EBF2: variants seen among roughly 807,000 people sequenced by gnomAD.
EBF2 encodes transcription factor COE2.
Under a neutral mutation model 72.8 loss-of-function variants are expected in EBF2, and 21 were observed. The observed-to-expected ratio is 0.29, with a 90% CI of 0.20 to 0.42. The LOEUF is 0.42. EBF2 is among the 10% of genes least tolerant of loss of function. The pLI, the probability that EBF2 is intolerant of heterozygous loss-of-function variation, is 1.00. For missense variants in EBF2, 637 were observed against 731.2 expected, an observed-to-expected ratio of 0.87 and a Z score of 1.49; for synonymous variants, 299 against 274.2, an observed-to-expected ratio of 1.09 and a Z score of -0.89.
At chr8:25,851,596 C>T (rs780402455) in intron 14 of EBF2, among the ~76,000 whole-genome samples, 2 of 152,084 alleles carry the variant, frequency 1.3e-5, no homozygotes, top group African/African-American at 2.4e-5. Context: ...AAGGAGTAAA[C>T]TAGAGTACAC....
intron 10 of EBF2, among the ~76,000 whole-genome samples, chr8:25,877,930 C>T (rs1802549806): frequency 1.3e-5 from 2 of 152,142 alleles, no homozygotes; most frequent in Non-Finnish European, 2.9e-5. Context: ...GTCCGAAGAG[C>T]ATGATTTGGC....
At chr8:26,018,161 A>G (rs1378077260) in intron 6 of EBF2, among the ~76,000 whole-genome samples, 1 of 151,622 alleles carries the variant, frequency 6.6e-6, no homozygotes, top group Non-Finnish European at 1.5e-5. Flanking sequence ...TGGCCCATTG[A>G]GAGCCACAGA....
chr8:25,916,313 A>C (rs541863079), intron 6 of EBF2, among the ~76,000 whole-genome samples: 98 of 151,012 alleles, frequency 6.5e-4, no homozygotes, highest in African/African-American at 2.0e-3. Context: ...CAAAAAACCC[A>C]AAAAAAACAA....
chr8:26,041,067 A>G, intron 2 of EBF2, 65 bp from the exon 3 acceptor site: 1 of 1,572,880 alleles, frequency 6.4e-7, no homozygotes, highest in South Asian at 1.1e-5. Flanking sequence ...GAAAGAGGAG[A>G]CAGTGAATCC....
chr8:25,937,999 A>T lies in EBF2; in HGVS notation c.552-29444T>A, dbSNP rs577391349. 2.0e-5 allele frequency among the ~76,000 whole-genome samples: 3 copies of T among 152,314 alleles called. No individual in the cohort carries two copies. In the East Asian group the frequency reaches 5.8e-4, roughly 29 times the overall value. On this transcript the variant is annotated intron_variant, in intron 6 of 15. Transcript: ENST00000520164. ...AAAGAAAGAGAAAAAAAGGAAGAAA[A>T]AAAGCAGTAACTTTTATGTCTTATA...
intron 7 of EBF2, among the ~76,000 whole-genome samples, chr8:25,901,859 A>C (rs1802958808): frequency 6.6e-6 from 1 of 152,252 alleles, no homozygotes; most frequent in Admixed American, 6.5e-5. Flanking sequence ...TGAATGTCAC[A>C]GAGAAGCAGA....
chr8:25,960,112 A>G (rs1354038696), intron 6 of EBF2, among the ~76,000 whole-genome samples: 1 of 152,204 alleles, frequency 6.6e-6, no homozygotes, highest in Non-Finnish European at 1.5e-5. Flanking sequence ...CTGGCCACCC[A>G]GAGAAAATGA....
chr8:25,998,573 C>T (rs1804673713), intron 6 of EBF2, among the ~76,000 whole-genome samples: 1 of 152,164 alleles, frequency 6.6e-6, no homozygotes. Context: ...TGGTGACGTT[C>T]TGCTTTCTTC....
At position 25,848,420 on chromosome 8, in the gene EBF2, C is replaced by T. The variant is rs529336189; in HGVS notation, c.1696+2174G>A. On this transcript the variant is annotated intron_variant, in intron 15 of 15. Transcript: ENST00000520164. ...GGGTCTTCTGTTTCTGCTGCAGCTG[C>T]CCTCACAGGGAACCTTACTAAGACC... Among the ~76,000 whole-genome samples, 117 of 152,258 alleles carry T rather than the reference C, an allele frequency of 7.7e-4. No individual in the cohort carries two copies. In the East Asian group the frequency reaches 0.02, roughly 26 times the overall value.
intron 6 of EBF2, among the ~76,000 whole-genome samples, chr8:25,945,094 C>A (rs907732296): frequency 4.3e-5 from 6 of 140,862 alleles, no homozygotes; most frequent in African/African-American, 1.6e-4. Context: ...TGTTGCCCCC[C>A]CCGCCCCACC....
At position 25,866,612 on chromosome 8, in the gene EBF2, TA is replaced by T. The variant is rs1249144918; in HGVS notation, c.1010-3816del. Among the ~76,000 whole-genome samples the T allele has an allele frequency of 2.1e-4, 29 of 135,774 alleles. No homozygotes were observed. In the Admixed American group the frequency reaches 2.3e-3, roughly 11 times the overall value. 89.1% of individuals were successfully genotyped at this position (135,774 alleles called of 152,430 possible). On this transcript the variant is annotated intron_variant, in intron 10 of 15. Transcript: ENST00000520164. Reference sequence around the variant, plus strand: ...TTTATATAATATAATATAATGTTTATATTATATTATATATATATATATATTT... The same window carrying T: ...TTTATATAATATAATATAATGTTTATTTATATTATATATATATATATATTT...
At chr8:26,020,188 T>C (rs966096597) in intron 6 of EBF2, among the ~76,000 whole-genome samples, 2 of 152,166 alleles carry the variant, frequency 1.3e-5, no homozygotes, top group Non-Finnish European at 2.9e-5. Flanking sequence ...ACCATAAAAA[T>C]AGAAAATTAC....
At chr8:25,874,853 C>CTTTTTTTTTTTTTTTTTTTTTTTTTTTTT (rs1183233269) in intron 10 of EBF2, among the ~76,000 whole-genome samples, 1 of 99,574 alleles carries the variant, frequency 1.0e-5, no homozygotes, top group Non-Finnish European at 1.9e-5. Flanking sequence ...GCCTGGCTAA[C>CTTTTTTTTTTTTTTTTTTTTTTTTTTTTT]TTTTTTTTTT....
chr8:25,896,767 C>T lies in EBF2; in HGVS notation c.634-6898G>A, dbSNP rs1174946896. The stretch of plus-strand genomic sequence containing the variant: ...TACACGTCGGGTTTTTACACAATCC[C>T]GAATTCTCATCATGGACAAGGTGAA... On this transcript the variant is annotated intron_variant, in intron 7 of 15. Transcript: ENST00000520164. 5.3e-5 allele frequency among the ~76,000 whole-genome samples: 8 copies of T among 152,274 alleles called. No individual in the cohort carries two copies. In the East Asian group the frequency reaches 1.2e-3, roughly 22 times the overall value.
chr8:26,006,044 G>A (rs1385200489), intron 6 of EBF2, among the ~76,000 whole-genome samples: 1 of 152,032 alleles, frequency 6.6e-6, no homozygotes, highest in Non-Finnish European at 1.5e-5. Flanking sequence ...ATTTTCACAA[G>A]GAGCCAAACA....
chr8:25,859,407 G>A, intron 13 of EBF2, among the ~76,000 whole-genome samples: 1 of 152,102 alleles, frequency 6.6e-6, no homozygotes, highest in East Asian at 1.9e-4. Flanking sequence ...CCACACCCTA[G>A]GTGCAAGTGG....
At chr8:26,041,398 C>G (rs1805598127) in intron 2 of EBF2, 1 of 240,634 alleles carries the variant, frequency 4.2e-6, no homozygotes, top group Non-Finnish European at 8.2e-6. Flanking sequence ...TTTGGAAAGG[C>G]AGCATTCGGG....
At chr8:26,027,892 G>T (rs1337066032) in intron 6 of EBF2, among the ~76,000 whole-genome samples, 1 of 152,198 alleles carries the variant, frequency 6.6e-6, no homozygotes, top group Non-Finnish European at 1.5e-5. Flanking sequence ...CCATTTACGT[G>T]AGGTGTCTAG....
intron 10 of EBF2, 39 bp downstream of exon 10, chr8:25,886,716 C>T (rs1215271685): frequency 1.9e-6 from 3 of 1,584,000 alleles, no homozygotes; most frequent in East Asian, 2.3e-5. Flanking sequence ...CAAAGGCAAA[C>T]CAGAAGCCAG....
Sources: gnomAD v4.1 joint callset for allele counts (sites outside exome capture counted in the v4.1 genomes callset) on GRCh38, gnomAD v4.1.1 for gene constraint, MANE v1.5 for transcripts, NCBI Gene and HGNC (gene_info 2026-07-23, HGNC 2026-07-21) for gene names.